Variants in RUVBL1 observed in about 807,000 individuals in gnomAD.
The protein encoded by RUVBL1 is ruvB-like 1.
In RUVBL1, 4 loss-of-function variants were observed where a neutral mutation model predicts 52.4. That is an observed-to-expected ratio of 0.08 (90% confidence interval 0.04 to 0.17). The LOEUF (loss-of-function observed/expected upper bound fraction) is 0.17, where lower values mean the gene tolerates loss of function less well. RUVBL1 is among the 10% of genes least tolerant of loss of function. RUVBL1 has a pLI of 1.00. For synonymous variants in RUVBL1, 217 were observed against 214.4 expected (o/e 1.01, Z -0.10); for missense variants, 298 against 572.8 (o/e 0.52, Z 4.90).
chr3:128,120,336 AAT>A (rs1230934645), intron 1 of RUVBL1, among the ~76,000 whole-genome samples: 2 of 152,206 alleles, frequency 1.3e-5, no homozygotes, highest in Non-Finnish European at 2.9e-5. Flanking sequence ...AGATCCATTG[AAT>A]ATGTTTTGAA....
intron 8 of RUVBL1, among the ~76,000 whole-genome samples, chr3:128,089,120 G>A (rs1331836670): frequency 1.3e-5 from 2 of 152,196 alleles, no homozygotes. Flanking sequence ...GCATTTCTTT[G>A]ATTACTAATG....
chr3:128,121,582 C>T (rs968073473), intron 1 of RUVBL1, among the ~76,000 whole-genome samples: 15 of 151,314 alleles, frequency 9.9e-5, no homozygotes, highest in Non-Finnish European at 1.3e-4. Flanking sequence ...TGGTGGTAGG[C>T]GCCTGTAATC....
In RUVBL1 at chr3:128,067,249, T is replaced by C; in HGVS notation, c.940-2029A>G. The stretch of plus-strand genomic sequence containing the variant: ...GAACAGATATTTCATCCAAAGATAT[T>C]TTCCATTGTGCCTTTTACAAATTCA... On this transcript the variant is annotated intron_variant, in intron 9 of 9. Transcript: ENST00000464873. This position sits in a 1 kb window ranked among gnomAD's most constrained non-coding sequence, Gnocchi z 4.1. 1 of 1,364,864 alleles carries C rather than the reference T, an allele frequency of 7.3e-7. No individual in the cohort carries two copies. The highest frequency in any genetic ancestry group is 1.0e-6 in the Non-Finnish European group (1 of 971,902). 84.5% of individuals were successfully genotyped at this position (1,364,864 alleles called of 1,614,324 possible).
exon 1 of RUVBL1, chr3:128,153,437 G>A (rs1473746608): frequency 3.5e-6 from 5 of 1,428,616 alleles, no homozygotes; most frequent in African/African-American, 1.5e-5. Context: ...CAACTTAACG[G>A]GCCGGACCGC....
intron 8 of RUVBL1, among the ~76,000 whole-genome samples, chr3:128,088,420 ATACAGTATATACTATAT>A (rs1389020380): frequency 6.7e-6 from 1 of 148,662 alleles, no homozygotes; most frequent in Non-Finnish European, 1.5e-5. Flanking sequence ...ATAGTATAAT[ATACAGTATATACTATAT>A]TATAGTATAT....
chr3:128,070,425 A>G (rs889054410), intron 9 of RUVBL1: 1 of 152,248 alleles, frequency 6.6e-6, no homozygotes, highest in African/African-American at 2.4e-5. Flanking sequence ...CTAGGTGGAC[A>G]GACCCTTGCA....
At chr3:128,065,065 T>C (rs1450493286) in exon 10 of RUVBL1, 1 of 1,612,180 alleles carries the variant, frequency 6.2e-7, no homozygotes, top group Non-Finnish European at 8.5e-7. Context: ...CCCAGGGAGT[T>C]TCCATGGTCT....
chr3:128,107,841 A>T (rs1943282257), intron 3 of RUVBL1, among the ~76,000 whole-genome samples: 1 of 152,228 alleles, frequency 6.6e-6, no homozygotes, highest in Non-Finnish European at 1.5e-5. Context: ...CAAACCTTTT[A>T]TATCCCACAG....
At chr3:128,101,723 G>A (rs1246095978) in intron 4 of RUVBL1, 75 bp from the exon 5 acceptor site, 14 of 1,454,190 alleles carry the variant, frequency 9.6e-6, no homozygotes, top group East Asian at 4.5e-5. Context: ...GTACCTTTCC[G>A]TAAGGGATCT....
rs1942767337 is a variant in RUVBL1, at chr3:128,089,609, G to A, written c.1017-1801C>T. ...TTGAGGTATAAAAATGCATATTTAT[G>A]ACTGCAAAAATAAAATGCAAACAAA... On this transcript the variant is annotated intron_variant, in intron 8 of 10. Coordinates refer to ENST00000322623, the MANE Select transcript of RUVBL1 (RefSeq NM_003707.3). 1.3e-5 allele frequency among the ~76,000 whole-genome samples: 2 copies of A among 152,110 alleles called. 1 individual carries two copies. The highest frequency in any genetic ancestry group is 4.1e-4 in the South Asian group (2 of 4,838).
downstream of RUVBL1, among the ~76,000 whole-genome samples, chr3:128,077,736 T>TC (rs1268791592): frequency 2.6e-5 from 4 of 152,334 alleles, no homozygotes; most frequent in East Asian, 7.7e-4. Flanking sequence ...CAGGGCTTTT[T>TC]CCAAACACAG....
chr3:128,082,094 T>G lies in RUVBL1; in HGVS notation c.1211+389A>C. The stretch of plus-strand genomic sequence containing the variant: ...TTTATTTGCTTGATGGTTAAATAAA[T>G]CAAAAAAGTTAAAGATTTACCAGGC... On this transcript the variant is annotated intron_variant, in intron 10 of 10. Coordinates refer to ENST00000322623, the MANE Select transcript of RUVBL1 (RefSeq NM_003707.3). This position sits in a 1 kb window ranked among gnomAD's most constrained non-coding sequence, Gnocchi z 4.7. 1 of 175,288 alleles carries G rather than the reference T, an allele frequency of 5.7e-6. No individual in the cohort carries two copies. The allele number at this position is 175,288 out of a possible 1,614,324, so 10.9% of individuals were successfully genotyped here.
Position 128,099,425 on chromosome 3 carries a change from CA to C in RUVBL1, c.754-481del, listed in dbSNP as rs541127268. The stretch of plus-strand genomic sequence containing the variant: ...CCAAATGTTCCTGTGCCTTTGGGGA[CA>C]CATGGACTATAAGAGTAAGTATAAA... On this transcript the variant is annotated intron_variant, in intron 6 of 10. Coordinates refer to ENST00000322623, the MANE Select transcript of RUVBL1 (RefSeq NM_003707.3). 1.1e-4 allele frequency among the ~76,000 whole-genome samples: 16 copies of C among 152,284 alleles called. No individual in the cohort carries two copies. In the East Asian group the frequency reaches 1.9e-3, roughly 18 times the overall value.
At position 128,081,877 on chromosome 3, in the gene RUVBL1, T is replaced by C; in HGVS notation, c.1212-468A>G. 1 of 163,954 alleles carries C rather than the reference T, an allele frequency of 6.1e-6. No individual in the cohort carries two copies. The highest frequency in any genetic ancestry group is 1.4e-5 in the Non-Finnish European group (1 of 74,048). The allele number at this position is 163,954 out of a possible 1,614,324, so 10.2% of individuals were successfully genotyped here. Reference sequence around the variant, plus strand: ...ACAGCTTGCATTTCTGCCTTCAACCTCAGGAGCAAGAACTGACTCAAGGGA... The same window carrying C: ...ACAGCTTGCATTTCTGCCTTCAACCCCAGGAGCAAGAACTGACTCAAGGGA... On this transcript the variant is annotated intron_variant, in intron 10 of 10. Coordinates refer to ENST00000322623, the MANE Select transcript of RUVBL1 (RefSeq NM_003707.3). This position sits in a 1 kb window ranked among gnomAD's most constrained non-coding sequence, Gnocchi z 4.8.
intron 1 of RUVBL1, among the ~76,000 whole-genome samples, chr3:128,132,636 C>T (rs564659449): frequency 1.3e-5 from 2 of 152,198 alleles, no homozygotes; most frequent in African/African-American, 4.8e-5. Context: ...CTAGACACAC[C>T]CTGGGACAAA....
At chr3:128,068,462 C>T (rs985061773) in intron 9 of RUVBL1, among the ~76,000 whole-genome samples, 1 of 152,152 alleles carries the variant, frequency 6.6e-6, no homozygotes, top group African/African-American at 2.4e-5. Context: ...GGCATCTGAG[C>T]GCATTTTGGG....
intron 8 of RUVBL1, among the ~76,000 whole-genome samples, chr3:128,096,650 C>A (rs1176023976): frequency 6.6e-6 from 1 of 152,074 alleles, no homozygotes; most frequent in Non-Finnish European, 1.5e-5. Flanking sequence ...CACGGTGAAA[C>A]CCTGTCTCTA....
chr3:128,073,197 A>C (rs899735528), intron 9 of RUVBL1, among the ~76,000 whole-genome samples: 3 of 152,104 alleles, frequency 2.0e-5, no homozygotes, highest in Non-Finnish European at 4.4e-5. Flanking sequence ...GGGGCAAGGA[A>C]TGAGGAGTCT....
At chr3:128,120,559 G>A (rs1469763293) in intron 1 of RUVBL1, among the ~76,000 whole-genome samples, 1 of 152,070 alleles carries the variant, frequency 6.6e-6, no homozygotes, top group Non-Finnish European at 1.5e-5. Context: ...TATATCTCAG[G>A]ATTACATAAT....
Sources: allele counts gnomAD v4.1 joint callset (sites outside exome capture counted in the v4.1 genomes callset), GRCh38; gene constraint gnomAD v4.1.1; non-coding constraint Gnocchi (gnomAD v3.1); transcripts MANE v1.5; gene names NCBI Gene and HGNC (gene_info 2026-07-23, HGNC 2026-07-21).